The following ZAN variants were observed in gnomAD, a reference collection of about 807,000 sequenced individuals.
The protein encoded by ZAN is zonadhesin, also known as zonadhesin (gene/pseudogene).
A neutral mutation model predicts 286.2 loss-of-function variants in ZAN; 260 were observed. The ratio of observed to expected loss-of-function variants is 0.91; its 90% CI spans 0.82 to 1.01. ZAN has a LOEUF of 1.01. Ranked by LOEUF, ZAN falls within the 50% of genes least tolerant of loss-of-function variation. ZAN has a pLI of 0.00. For synonymous variants in ZAN, 1,368 were observed against 1,417.5 expected (o/e 0.97, Z 0.79); for missense variants, 3,410 against 3,639.2 (o/e 0.94, Z 1.62).
intron 29 of ZAN, among the ~76,000 whole-genome samples, chr7:100,772,304 C>A (rs1476045464): frequency 6.6e-6 from 1 of 151,298 alleles, no homozygotes; most frequent in Non-Finnish European, 1.5e-5. Flanking sequence ...TGGTGGCAAG[C>A]ACCTGTAATC....
intron 11 of ZAN, among the ~76,000 whole-genome samples, chr7:100,749,723 C>CAT (rs1421124879): frequency 5.8e-4 from 79 of 137,242 alleles, no homozygotes; most frequent in South Asian, 1.4e-3. Context: ...CACACACACA[C>CAT]ATATATATAT....
In ZAN at chr7:100,773,376, C is replaced by G; in HGVS notation, c.5517C>G (p.Pro1839=). 1 of 1,614,032 alleles carries G rather than the reference C, an allele frequency of 6.2e-7. No individual in the cohort carries two copies. Among genetic ancestry groups the G allele is most frequent in the African/African-American group, 1.3e-5 (1 of 75,066 alleles). Residue 1839 remains proline, a synonymous_variant, in exon 30 of 48, where the codon CCC becomes CCG. Transcript: ENST00000613979. ...CSSINNPRDC[P]KALPCAESCE... is the part of the protein sequence containing the mutation. ...GCATAAACAACCCGAGGGACTGCCC[C>G]AAAGCACTGCCCTGTGCTGAGAGCT...
Position 100,752,239 on chromosome 7 carries a change from ATC to A in ZAN, c.2137_2138del (p.Ser713ProfsTer93), listed in dbSNP as rs1808747485. 6.2e-7 allele frequency: 1 copy of A among 1,609,518 alleles called. No individual in the cohort carries two copies. Among genetic ancestry groups the A allele is most frequent in the East Asian group, 2.2e-5 (1 of 44,658 alleles). The stretch of plus-strand genomic sequence containing the variant: ...TATCATCTCCACAGAAAAACCCACC[ATC>A]TCCCCAGAAAAACCCACCATCCCCA... ...ETIISTEKPT[I>X]SPEKPTIPTE... is the part of the protein sequence containing the mutation. On this transcript the variant is annotated frameshift_variant, in exon 14 of 48. Transcript: ENST00000613979. LOFTEE classifies it high-confidence loss of function.
At chr7:100,759,648 G>A (rs1809399318) in intron 17 of ZAN, 73 bp from the exon 18 acceptor site, 17 of 1,477,396 alleles carry the variant, frequency 1.2e-5, no homozygotes, top group Middle Eastern at 1.8e-4. Context: ...TGCGGCGCCA[G>A]GCTCAGGGCA....
At chr7:100,795,060 C>T in intron 44 of ZAN, 136 bp from the exon 45 acceptor site, 1 of 1,138,946 alleles carries the variant, frequency 8.8e-7, no homozygotes, top group Non-Finnish European at 1.2e-6. Flanking sequence ...GGGTTGGGAG[C>T]CAGGCTGGCT....
intron 35 of ZAN, among the ~76,000 whole-genome samples, chr7:100,784,051 A>G (rs901042071): frequency 2.0e-5 from 3 of 149,386 alleles, no homozygotes; most frequent in Admixed American, 1.4e-4. Context: ...ACACCTACTG[A>G]TCATACACAT....
At chr7:100,783,333 T>C (rs1009007288) in intron 35 of ZAN, among the ~76,000 whole-genome samples, 1 of 152,110 alleles carries the variant, frequency 6.6e-6, no homozygotes, top group Non-Finnish European at 1.5e-5. Context: ...GGCCATTCAC[T>C]ACTGATGGCT....
intron 11 of ZAN, among the ~76,000 whole-genome samples, chr7:100,749,675 T>TATAC (rs1554399725): frequency 4.4e-4 from 57 of 130,418 alleles, no homozygotes; most frequent in East Asian, 2.8e-3. Flanking sequence ...TATATATATA[T>TATAC]ACACACACAC....
At chr7:100,759,010 G>A (rs1562931429) in intron 17 of ZAN, among the ~76,000 whole-genome samples, 2 of 152,078 alleles carry the variant, frequency 1.3e-5, no homozygotes, top group Non-Finnish European at 2.9e-5. Flanking sequence ...GTTCACCTGA[G>A]GTCAGGAGTT....
intron 19 of ZAN, 141 bp from the exon 20 acceptor site, chr7:100,762,074 T>G (rs1584585420): frequency 1.0e-6 from 1 of 972,008 alleles, no homozygotes. Flanking sequence ...GGCCATGGGG[T>G]CCTCTTGTCC....
At chr7:100,791,343 TTTCCTTC>T (rs200741881) in intron 40 of ZAN, among the ~76,000 whole-genome samples, 1,846 of 151,978 alleles carry the variant, frequency 0.012, 34 homozygotes, top group African/African-American at 0.041. Flanking sequence ...CCCAGTTATT[TTTCCTTC>T]TTCCTTCTTC....
At position 100,769,897 on chromosome 7, in the gene ZAN, G is replaced by A. The variant is rs868677625; in HGVS notation, c.5171G>A (p.Gly1724Asp). 1 of 1,558,788 alleles carries A rather than the reference G, an allele frequency of 6.4e-7. No homozygotes were observed. Among genetic ancestry groups the A allele is most frequent in the Non-Finnish European group, 8.7e-7 (1 of 1,150,862 alleles). ...SSEPGCFLVG[G>D]KPSSCQENSM... Reference sequence around the variant, plus strand: ...TCATTTAGCTGTTTCCTTGTGGGTGGCAAGCCCTCCAGCTGCCAGGAGAAC... The same window carrying A: ...TCATTTAGCTGTTTCCTTGTGGGTGACAAGCCCTCCAGCTGCCAGGAGAAC... Residue 1724 changes from glycine to aspartate, a missense_variant, in exon 28 of 48, where the codon GGC becomes GAC. By Grantham distance (94) the Gly-to-Asp change is moderately conservative. Around this residue, in one of 7 missense-constraint regions of ZAN, gnomAD observed 1,042 missense variants for 1,058.0 expected, o/e 0.98. Coordinates refer to ENST00000613979, the MANE Select transcript of ZAN (RefSeq NM_003386.3).
In ZAN at chr7:100,766,570, T is replaced by C; in HGVS notation, c.4516T>C (p.Cys1506Arg). The C allele has an allele frequency of 6.4e-7, 1 of 1,552,178 alleles. No homozygotes were observed. The highest frequency in any genetic ancestry group is 8.7e-7 in the Non-Finnish European group (1 of 1,147,262). The stretch of plus-strand genomic sequence containing the variant: ...GCCAGGCTGCAAAGAGTTGTGCGTC[T>C]GTGAAAGCAACAACAGAATTCGCTG... ...YKPGCKELCV[C>R]ESNNRIRCQP... The change falls in exon 24 of 48, where the codon TGT (cysteine) becomes CGT (arginine). Residue 1506 changes from cysteine to arginine, a missense_variant. Around this residue, in one of 7 missense-constraint regions of ZAN, gnomAD observed 1,042 missense variants for 1,058.0 expected, o/e 0.98. Coordinates refer to ENST00000613979, the MANE Select transcript of ZAN (RefSeq NM_003386.3).
chr7:100,751,750 T>C lies in ZAN; in HGVS notation c.1645T>C (p.Ser549Pro). The C allele has an allele frequency of 6.3e-7, 1 of 1,594,648 alleles. No individual in the cohort carries two copies. The change falls in exon 14 of 48, where the codon TCT (serine) becomes CCT (proline). Residue 549 changes from serine (S) to proline (P), a missense_variant. Around this residue, in one of 7 missense-constraint regions of ZAN, gnomAD observed 872 missense variants for 938.9 expected, o/e 0.93. Transcript: ENST00000613979. The stretch of plus-strand genomic sequence containing the variant: ...AGAGCTTCCTCCCGTATCTCCAGTT[T>C]CTTCCACTGGCCCTTCTGAAACCAC... ...LPELPPVSPV[S>P]STGPSETTGL...
chr7:100,778,732 C>G (rs146877256), intron 34 of ZAN, among the ~76,000 whole-genome samples: 24 of 152,066 alleles, frequency 1.6e-4, no homozygotes, highest in Non-Finnish European at 3.2e-4. Context: ...CATTTGGGAG[C>G]ACCAGATCAT....
At chr7:100,757,659 G>A (rs1298696220) in intron 15 of ZAN, among the ~76,000 whole-genome samples, 2 of 151,606 alleles carry the variant, frequency 1.3e-5, no homozygotes, top group Non-Finnish European at 2.9e-5. Flanking sequence ...GGAGGCTGAG[G>A]CAGGAGAATC....
intron 11 of ZAN, among the ~76,000 whole-genome samples, chr7:100,749,793 G>C (rs1343221964): frequency 2.0e-5 from 3 of 150,734 alleles, no homozygotes; most frequent in Admixed American, 6.6e-5. Context: ...GCTCACACCT[G>C]TAATCCCAAT....
Position 100,768,640 on chromosome 7 carries a change from A to G in ZAN, c.5072A>G (p.Asn1691Ser), listed in dbSNP as rs981518844. ...GNYNNNSLDD[N>S]LRPDRKLAGD... Reference sequence around the variant, plus strand: ...TACAACAACAACAGCTTGGATGACAACCTGCGCCCCGACAGAAAGCTTGCA... The same window carrying G: ...TACAACAACAACAGCTTGGATGACAGCCTGCGCCCCGACAGAAAGCTTGCA... The change falls in exon 27 of 48, where the codon AAC becomes AGC. Residue 1691 changes from asparagine to serine, a missense_variant. Asn to Ser is a conservative substitution (Grantham distance 46, BLOSUM62 1). Transcript: ENST00000613979. 14 of 1,610,528 alleles carry G rather than the reference A, an allele frequency of 8.7e-6. No individual in the cohort carries two copies. The Admixed American group carries it at 1.2e-4, about 14-fold the overall frequency.
chr7:100,775,407 C>T lies in ZAN; in HGVS notation c.5859C>T (p.Cys1953=). The change falls in exon 32 of 48, where the codon TGC becomes TGT. Residue 1953 remains cysteine, a synonymous_variant. Transcript: ENST00000613979. ...DGSNHSIPDA[C]TLVLVKVCHP... ...GTAACCATTCTATCCCGGACGCCTG[C>T]ACTCTTGTCCTGGTGAAAGTGTGCC... 6.2e-7 allele frequency: 1 copy of T among 1,613,988 alleles called. No homozygotes were observed. The highest frequency in any genetic ancestry group is 8.5e-7 in the Non-Finnish European group (1 of 1,179,896).
Sources: gnomAD v4.1 joint callset for allele counts (sites outside exome capture counted in the v4.1 genomes callset) on GRCh38, gnomAD v4.1.1 for gene constraint, gnomAD v4.1.1 regional missense constraint, MANE v1.5 for transcripts, NCBI Gene and HGNC (gene_info 2026-07-23, HGNC 2026-07-21) for gene names.